Variants in VIT observed in about 807,000 individuals in gnomAD.
VIT encodes the protein vitrin.
A neutral mutation model predicts 78.0 loss-of-function variants in VIT; 99 were observed. The observed-to-expected ratio is 1.27, with a 90% CI of 1.08 to 1.50. The LOEUF is 1.50. Among genes scored for constraint, VIT ranks in the 40% most tolerant of loss-of-function variants. VIT has a pLI of 0.00. For synonymous variants in VIT, 374 were observed against 334.3 expected, an observed-to-expected ratio of 1.12 and a Z score of -1.29; for missense variants, 1,126 against 875.3, an observed-to-expected ratio of 1.29 and a Z score of -3.61.
chr2:36,814,296 C>T lies in VIT; in HGVS notation c.2017C>T (p.His673Tyr), dbSNP rs11901202. The change falls in exon 16 of 16, where the codon CAT (histidine) becomes TAT (tyrosine). Residue 673 changes from histidine (H) to tyrosine (Y), a missense_variant. Coordinates refer to ENST00000379242, the MANE Select transcript of VIT (RefSeq NM_053276.4). The stretch of plus-strand genomic sequence containing the variant: ...CTTTGTGGACGAGTTTGACAACCTC[C>T]ATCAGTATGTCCCCAGGATCATCCA... The part of the protein sequence containing the change: ...SFFVDEFDNL[H>Y]QYVPRIIQNI... 37,905 of 1,614,162 alleles carry T rather than the reference C, an allele frequency of 0.023. 2,556 individuals are homozygous for T. Among genetic ancestry groups the T allele is most frequent in the East Asian group, 0.17 (7,428 of 44,880 alleles).
chr2:36,723,370 T>A (rs1666632163), intron 2 of VIT, among the ~76,000 whole-genome samples: 2 of 152,198 alleles, frequency 1.3e-5, no homozygotes, highest in African/African-American at 4.8e-5. Flanking sequence ...ATATAAAAGT[T>A]TTTAAGGCTC....
In VIT at chr2:36,805,520, G is replaced by A. The variant is rs780315591; in HGVS notation, c.1245G>A (p.Val415=). ...GCGGGGCTCCCAATGTGGTGGTGGT[G>A]ATGGTGGATGGCTGGCCCACGGACA... The part of the protein sequence containing the change: ...NRSGAPNVVV[V]MVDGWPTDKV... Residue 415 remains valine, a synonymous_variant, in exon 14 of 16, where the codon GTG becomes GTA. Transcript: ENST00000379242. The A allele has an allele frequency of 3.4e-5, 55 of 1,614,038 alleles. No individual in the cohort carries two copies. In the Middle Eastern group the frequency reaches 8.2e-4, roughly 24 times the overall value.
intron 6 of VIT, among the ~76,000 whole-genome samples, chr2:36,766,113 T>G (rs1669412313): frequency 6.6e-6 from 1 of 152,224 alleles, no homozygotes. Flanking sequence ...GCTCTAAACC[T>G]TCAGAGATAT....
At chr2:36,766,773 G>A (rs1034335406) in intron 6 of VIT, among the ~76,000 whole-genome samples, 1 of 152,156 alleles carries the variant, frequency 6.6e-6, no homozygotes, top group Non-Finnish European at 1.5e-5. Flanking sequence ...AAAAAAAAAT[G>A]TACATAAACC....
intron 7 of VIT, among the ~76,000 whole-genome samples, chr2:36,768,076 C>A (rs1669540816): frequency 6.6e-6 from 1 of 152,188 alleles, no homozygotes; most frequent in African/African-American, 2.4e-5. Flanking sequence ...TAGCATGACC[C>A]TTCCCCCTCT....
At chr2:36,771,371 C>CA (rs1161479107) in intron 7 of VIT, among the ~76,000 whole-genome samples, 11 of 151,878 alleles carry the variant, frequency 7.2e-5, no homozygotes, top group Admixed American at 5.9e-4. Context: ...ACTAAAAATA[C>CA]AAAAATTAGC....
At chr2:36,812,559 A>G (rs946567084) in intron 15 of VIT, among the ~76,000 whole-genome samples, 4 of 152,046 alleles carry the variant, frequency 2.6e-5, no homozygotes, top group African/African-American at 2.4e-5. Context: ...TCCCTGGGTC[A>G]TCTTCTCCCC....
At chr2:36,728,164 C>A (rs981632468) in intron 2 of VIT, among the ~76,000 whole-genome samples, 1 of 152,140 alleles carries the variant, frequency 6.6e-6, no homozygotes, top group Non-Finnish European at 1.5e-5. Context: ...CTCCTGACCT[C>A]AGGCGATCCA....
intron 11 of VIT, 52 bp downstream of exon 11, chr2:36,783,454 T>G: frequency 6.4e-7 from 1 of 1,574,670 alleles, no homozygotes; most frequent in Non-Finnish European, 8.7e-7. Context: ...TCTGAACTGC[T>G]CTCTCCTCTC....
intron 7 of VIT, among the ~76,000 whole-genome samples, chr2:36,767,959 T>C (rs1037939739): frequency 6.6e-6 from 1 of 152,202 alleles, no homozygotes; most frequent in Non-Finnish European, 1.5e-5. Context: ...GTCTTAGCAA[T>C]GTTTTCTGAA....
intron 5 of VIT, among the ~76,000 whole-genome samples, chr2:36,755,953 G>GTTTT (rs1287805779): frequency 2.0e-5 from 1 of 49,634 alleles, no homozygotes; most frequent in African/African-American, 6.6e-5. Context: ...GGACAACACA[G>GTTTT]TATTTTTTTT....
At chr2:36,792,884 T>A (rs11890004) in intron 12 of VIT, among the ~76,000 whole-genome samples, 3,191 of 152,302 alleles carry the variant, frequency 0.021, 45 homozygotes, top group Non-Finnish European at 0.03. Context: ...TTTCATCTTA[T>A]CACTGGAAGC....
chr2:36,726,056 G>A (rs1456449568), intron 2 of VIT, among the ~76,000 whole-genome samples: 14 of 146,224 alleles, frequency 9.6e-5, no homozygotes, highest in Non-Finnish European at 1.9e-4. Context: ...GTGACAGAGC[G>A]AGACTCTGTC....
At chr2:36,703,876 G>A (rs1488020237) in intron 1 of VIT, among the ~76,000 whole-genome samples, 3 of 150,834 alleles carry the variant, frequency 2.0e-5, no homozygotes, top group Non-Finnish European at 4.4e-5. Context: ...TATTCTGTAA[G>A]CTTGGGCAGG....
chr2:36,708,058 CT>C (rs1665547276), intron 1 of VIT, among the ~76,000 whole-genome samples: 1 of 151,914 alleles, frequency 6.6e-6, no homozygotes, highest in Admixed American at 6.6e-5. Flanking sequence ...AGGAATACAT[CT>C]GTATGAAGGT....
At chr2:36,768,927 C>T (rs1481272235) in intron 7 of VIT, among the ~76,000 whole-genome samples, 3 of 152,166 alleles carry the variant, frequency 2.0e-5, no homozygotes, top group African/African-American at 7.2e-5. Flanking sequence ...TTATGGACGA[C>T]TCTTTGAAGA....
At chr2:36,725,428 G>A (rs1458323163) in intron 2 of VIT, among the ~76,000 whole-genome samples, 2 of 152,188 alleles carry the variant, frequency 1.3e-5, no homozygotes, top group East Asian at 3.9e-4. Flanking sequence ...GCATCTTTTT[G>A]CTGTGTCCTC....
Position 36,716,860 on chromosome 2 carries a change from G to C in VIT, c.52+438G>C, listed in dbSNP as rs561687177. 2.8e-4 allele frequency among the ~76,000 whole-genome samples: 38 copies of C among 137,722 alleles called. 1 individual carries two copies. The South Asian group carries it at 8.7e-3, about 31-fold the overall frequency. The allele number at this position is 137,722 out of a possible 152,430, so 90.4% of individuals were successfully genotyped here. On this transcript the variant is annotated intron_variant, in intron 2 of 15. Coordinates refer to ENST00000379242, the MANE Select transcript of VIT (RefSeq NM_053276.4). ...ATAGCATTAGCAACTCACGCTTTTA[G>C]AGATGATTCTTTTTTTTTTTTTTTT...
chr2:36,770,562 G>T (rs776086901), intron 7 of VIT, among the ~76,000 whole-genome samples: 3 of 152,138 alleles, frequency 2.0e-5, no homozygotes, highest in Non-Finnish European at 4.4e-5. Flanking sequence ...TAAGGGAGCC[G>T]AAAGCCAGAG....
Sources: gnomAD v4.1 joint callset for allele counts (sites outside exome capture counted in the v4.1 genomes callset) on GRCh38, gnomAD v4.1.1 for gene constraint, MANE v1.5 for transcripts, NCBI Gene and HGNC (gene_info 2026-07-23, HGNC 2026-07-21) for gene names.